The following RBFOX1 variants were observed in gnomAD, a reference collection of about 807,000 sequenced individuals.
The protein encoded by RBFOX1 is RNA binding protein fox-1 homolog 1.
In RBFOX1, 8 loss-of-function variants were observed where a neutral mutation model predicts 57.7. That is an observed-to-expected ratio of 0.14 (90% CI 0.08 to 0.25). The LOEUF (loss-of-function observed/expected upper bound fraction) is 0.25. RBFOX1 is among the 10% of genes least tolerant of loss of function. The pLI, the probability that RBFOX1 is intolerant of heterozygous loss-of-function variation, is 1.00. For missense variants in RBFOX1, 611 were observed against 548.5 expected (o/e 1.11, Z -1.14); for synonymous variants, 326 against 222.4 (o/e 1.47, Z -4.15).
chr16:6,075,422 G>T (rs1047042225), intron 1 of RBFOX1, among the ~76,000 whole-genome samples: 15 of 152,154 alleles, frequency 9.9e-5, no homozygotes, highest in Admixed American at 7.9e-4. Context: ...GAACAATACA[G>T]AGAAAAAGCC....
chr16:5,895,878 A>T (rs1463628537), intron 4 of RBFOX1, among the ~76,000 whole-genome samples: 1 of 152,206 alleles, frequency 6.6e-6, no homozygotes, highest in Non-Finnish European at 1.5e-5. Flanking sequence ...GCCAATCACA[A>T]AATATTATCA....
intron 3 of RBFOX1, among the ~76,000 whole-genome samples, chr16:7,001,196 T>A (rs1298247599): frequency 6.6e-6 from 1 of 152,114 alleles, no homozygotes; most frequent in Non-Finnish European, 1.5e-5. Context: ...TAATGATCAT[T>A]CTAAATGTCC....
intron 4 of RBFOX1, among the ~76,000 whole-genome samples, chr16:7,118,167 T>A (rs2066327042): frequency 6.6e-6 from 1 of 152,214 alleles, no homozygotes. Context: ...TGTTGCATAC[T>A]GTTTGCCATA....
intron 3 of RBFOX1, among the ~76,000 whole-genome samples, chr16:6,998,226 T>C (rs2092436484): frequency 1.3e-5 from 2 of 152,312 alleles, no homozygotes; most frequent in South Asian, 4.1e-4. Context: ...AGCATTTATA[T>C]ATTCAAATAT....
intron 4 of RBFOX1, among the ~76,000 whole-genome samples, chr16:7,165,994 G>A (rs570310232): frequency 1.4e-5 from 2 of 144,768 alleles, no homozygotes; most frequent in African/African-American, 2.6e-5. Flanking sequence ...GATTTCCTTT[G>A]AAGGAGTGCA....
Position 5,396,165 on chromosome 16 carries a change from A to G in RBFOX1, c.220-71051A>G, listed in dbSNP as rs545261452. Among the ~76,000 whole-genome samples the G allele has an allele frequency of 5.3e-5, 8 of 152,310 alleles. No homozygotes were observed. In the East Asian group the frequency reaches 1.2e-3, roughly 22 times the overall value. On this transcript the variant is annotated intron_variant, in intron 1 of 2. Coordinates refer to the RBFOX1 transcript ENST00000585867. ...CAGTAACTAACTCAATGGGCATATT[A>G]ATACTTATGCTAAATAGGTAATCCT... is the stretch of plus-strand genomic sequence containing the variant.
intron 4 of RBFOX1, among the ~76,000 whole-genome samples, chr16:7,242,323 TATC>T (rs748380790): frequency 6.6e-6 from 1 of 152,186 alleles, no homozygotes; most frequent in Non-Finnish European, 1.5e-5. Context: ...AGGCATGACA[TATC>T]ATCATTGGAA....
chr16:5,589,913 C>G (rs2046950931), intron 2 of RBFOX1, among the ~76,000 whole-genome samples: 2 of 152,184 alleles, frequency 1.3e-5, no homozygotes, highest in African/African-American at 2.4e-5. Flanking sequence ...ATCCCACACT[C>G]ACACCTGGGG....
intron 4 of RBFOX1, among the ~76,000 whole-genome samples, chr16:5,998,588 GC>G (rs1413854598): frequency 6.6e-6 from 1 of 152,096 alleles, no homozygotes; most frequent in Non-Finnish European, 1.5e-5. Flanking sequence ...AAGCTGAGGG[GC>G]TTTCACTGAA....
intron 4 of RBFOX1, among the ~76,000 whole-genome samples, chr16:5,956,653 TATA>T (rs1372036003): frequency 1.2e-4 from 10 of 81,892 alleles, no homozygotes; most frequent in South Asian, 3.5e-4. Context: ...TATATATATA[TATA>T]TTTATATATA....
intron 4 of RBFOX1, among the ~76,000 whole-genome samples, chr16:5,905,571 G>T (rs962957870): frequency 6.6e-6 from 1 of 152,124 alleles, no homozygotes; most frequent in African/African-American, 2.4e-5. Context: ...AAACTGGCTG[G>T]ATGTGGTGGT....
intron 3 of RBFOX1, among the ~76,000 whole-genome samples, chr16:5,615,591 T>C (rs758450): frequency 0.96 from 146,536 of 152,306 alleles, 70,515 homozygotes; most frequent in East Asian, 1. Context: ...AGCTCCGTCC[T>C]GTTCCCATAG....
intron 4 of RBFOX1, among the ~76,000 whole-genome samples, chr16:5,999,810 GAGATCGC>G (rs778122642): frequency 0.057 from 7,286 of 127,840 alleles, 382 homozygotes; most frequent in East Asian, 0.32. Context: ...GTGGTGAGCA[GAGATCGC>G]AGATCGCACC....
chr16:6,375,812 C>T (rs149796438), intron 2 of RBFOX1, among the ~76,000 whole-genome samples: 90 of 152,272 alleles, frequency 5.9e-4, no homozygotes, highest in African/African-American at 2.1e-3. Flanking sequence ...CAGGCATTTC[C>T]CTATCCCTTC....
At chr16:7,197,440 GAA>G (rs57893229) in intron 4 of RBFOX1, among the ~76,000 whole-genome samples, 228 of 91,308 alleles carry the variant, frequency 2.5e-3, no homozygotes, top group Middle Eastern at 8.1e-3. Context: ...CCTGTGAGTG[GAA>G]AAAAAAAAAA....
At chr16:6,405,435 T>C (rs948566106) in intron 2 of RBFOX1, among the ~76,000 whole-genome samples, 3 of 152,202 alleles carry the variant, frequency 2.0e-5, no homozygotes, top group East Asian at 1.9e-4. Flanking sequence ...ACTCAGGCTA[T>C]GGAGGCTTCA....
At chr16:5,538,786 C>T in intron 2 of RBFOX1, among the ~76,000 whole-genome samples, 1 of 151,952 alleles carries the variant, frequency 6.6e-6, no homozygotes, top group Admixed American at 6.6e-5. Context: ...ACCACCATGC[C>T]CAGCTAATTT....
At chr16:7,689,819 A>G (rs2076936596) in intron 14 of RBFOX1, among the ~76,000 whole-genome samples, 1 of 152,104 alleles carries the variant, frequency 6.6e-6, no homozygotes, top group Non-Finnish European at 1.5e-5. Context: ...AGAGTATGAT[A>G]TGGCCACTGT....
Position 7,712,447 on chromosome 16 carries a change from C to T in RBFOX1, c.*1702C>T, listed in dbSNP as rs1222509353. On this transcript the variant is annotated 3_prime_UTR_variant, in exon 16 of 16. Transcript: ENST00000550418. ...TTTCTCTTGCCATCCTATGTGCATG[C>T]CGTAAGATCAGTTGGATATTAAACC... The T allele has an allele frequency of 6.6e-6, 1 of 152,574 alleles. No individual in the cohort carries two copies. The highest frequency in any genetic ancestry group is 2.4e-5 in the African/African-American group (1 of 41,430). 9.5% of individuals were successfully genotyped at this position (152,574 alleles called of 1,614,324 possible).
Sources: allele counts gnomAD v4.1 joint callset (sites outside exome capture counted in the v4.1 genomes callset), GRCh38; gene constraint gnomAD v4.1.1; transcripts MANE v1.5; gene names NCBI Gene and HGNC (gene_info 2026-07-23, HGNC 2026-07-21).